Variants in AAK1 observed in about 807,000 individuals in gnomAD.
AAK1 encodes AP2 associated kinase 1.
AAK1 carries 37 observed loss-of-function variants against 116.0 expected under a neutral mutation model. The ratio of observed to expected loss-of-function variants is 0.32; its 90% CI spans 0.25 to 0.42. AAK1 has a LOEUF of 0.42. Among genes scored for constraint, AAK1 ranks in the 10% least tolerant of loss-of-function variants. AAK1 has a pLI of 1.00. For synonymous variants in AAK1, 458 were observed against 439.9 expected (o/e 1.04, Z -0.51); for missense variants, 919 against 1,170.6 (o/e 0.79, Z 3.14).
chr2:69,503,994 C>T (rs1480264226), intron 16 of AAK1, among the ~76,000 whole-genome samples: 1 of 114,996 alleles, frequency 8.7e-6, no homozygotes, highest in Non-Finnish European at 1.7e-5. Flanking sequence ...AGCGAAATTC[C>T]GTCTAAAAAA....
intron 8 of AAK1, among the ~76,000 whole-genome samples, chr2:69,528,316 C>T (rs1670104724): frequency 6.6e-6 from 1 of 152,062 alleles, no homozygotes; most frequent in African/African-American, 2.4e-5. Flanking sequence ...GCTAGAGTTT[C>T]CTAATCAGGG....
intron 17 of AAK1, among the ~76,000 whole-genome samples, chr2:69,483,362 T>C (rs964337176): frequency 3.3e-5 from 5 of 152,236 alleles, no homozygotes; most frequent in Admixed American, 3.3e-4. Context: ...TTTGGCATAA[T>C]GCCTTTGAGA....
chr2:69,598,807 C>T (rs1442278196), intron 2 of AAK1: 4 of 207,368 alleles, frequency 1.9e-5, no homozygotes, highest in South Asian at 7.1e-5. Context: ...AGGTATGAGC[C>T]GCTAATGTCC....
At chr2:69,514,967 C>G (rs921097704) in intron 12 of AAK1, among the ~76,000 whole-genome samples, 10 of 152,308 alleles carry the variant, frequency 6.6e-5, no homozygotes, top group Middle Eastern at 3.4e-3. Flanking sequence ...TCCATTGCAC[C>G]AGGCTGCCTC....
At chr2:69,522,401 T>C (rs1428814585) in intron 10 of AAK1, among the ~76,000 whole-genome samples, 3 of 152,038 alleles carry the variant, frequency 2.0e-5, no homozygotes, top group East Asian at 1.9e-4. Flanking sequence ...CTTGTGCCGG[T>C]TGGGGAAGTG....
At chr2:69,541,543 C>T (rs1193601905) in intron 5 of AAK1, among the ~76,000 whole-genome samples, 2 of 152,102 alleles carry the variant, frequency 1.3e-5, no homozygotes, top group African/African-American at 2.4e-5. Context: ...GAATTATATA[C>T]TTTAAAGCAG....
At chr2:69,547,899 C>T (rs1001044235) in intron 3 of AAK1, among the ~76,000 whole-genome samples, 1 of 152,028 alleles carries the variant, frequency 6.6e-6, no homozygotes, top group African/African-American at 2.4e-5. Flanking sequence ...ATATCACAAG[C>T]CACACAATGG....
chr2:69,631,241 T>G (rs1258116837), intron 2 of AAK1, among the ~76,000 whole-genome samples: 1 of 152,192 alleles, frequency 6.6e-6, no homozygotes, highest in East Asian at 1.9e-4. Flanking sequence ...AGGACAATAA[T>G]CTTTCTCTTA....
At chr2:69,541,960 A>G (rs1273191803) in intron 5 of AAK1, among the ~76,000 whole-genome samples, 5 of 152,240 alleles carry the variant, frequency 3.3e-5, no homozygotes, top group African/African-American at 1.2e-4. Flanking sequence ...ATAAAACGTA[A>G]CAAAGAATGT....
chr2:69,491,657 C>T (rs1360511593), intron 17 of AAK1, among the ~76,000 whole-genome samples: 1 of 152,082 alleles, frequency 6.6e-6, no homozygotes, highest in South Asian at 2.1e-4. Context: ...ACTAGGACTG[C>T]CCCACTGGGA....
chr2:69,481,857 G>A (rs1271408836), intron 18 of AAK1: 2 of 152,132 alleles, frequency 1.3e-5, no homozygotes, highest in Non-Finnish European at 2.9e-5. Context: ...TTAAGCTGGA[G>A]GGCAGTGGCA....
In AAK1 at chr2:69,631,276, T is replaced by C. The variant is rs145221177; in HGVS notation, c.163+11602A>G. Among the ~76,000 whole-genome samples the C allele has an allele frequency of 9.2e-5, 14 of 152,342 alleles. No individual in the cohort carries two copies. The East Asian group carries it at 2.3e-3, about 25-fold the overall frequency. ...ACCCTAAAGGTCCCAGTACAATAGC[T>C]GTAAGTGTCCTTGAAAACATGCAGC... On this transcript the variant is annotated intron_variant, in intron 2 of 21. Transcript: ENST00000409085.
In AAK1 at chr2:69,467,006, G is replaced by T; in HGVS notation, c.*8863C>A. 1.0e-6 allele frequency: 1 copy of T among 985,470 alleles called. No individual in the cohort carries two copies. The highest frequency in any genetic ancestry group is 1.2e-6 in the Non-Finnish European group (1 of 829,934). 61.0% of individuals were successfully genotyped at this position (985,470 alleles called of 1,614,324 possible). A position where few individuals can be genotyped will look rare whatever the true frequency, so the allele number is the denominator to read the frequency against. On this transcript the variant is annotated 3_prime_UTR_variant, in exon 22 of 22. Coordinates refer to ENST00000409085, the MANE Select transcript of AAK1 (RefSeq NM_014911.5). ...CATGTGGTCATCCGCGCCACATGCA[G>T]AGGGACAAACTCTCTGAAAAGAAGC...
chr2:69,532,745 AATATT>A (rs2105028396), intron 5 of AAK1, among the ~76,000 whole-genome samples: 1 of 152,328 alleles, frequency 6.6e-6, no homozygotes, highest in African/African-American at 2.4e-5. Context: ...ATTCAGAATT[AATATT>A]GCTTATGTTT....
intron 2 of AAK1, among the ~76,000 whole-genome samples, chr2:69,573,426 G>A (rs758007552): frequency 8.5e-5 from 13 of 152,308 alleles, no homozygotes; most frequent in Non-Finnish European, 1.5e-4. Flanking sequence ...GAAGGAAGAC[G>A]AGAAGCATTC....
chr2:69,482,847 ATG>A, intron 17 of AAK1, 35 bp from the exon 18 acceptor site: 1 of 1,347,436 alleles, frequency 7.4e-7, no homozygotes, highest in South Asian at 1.2e-5. Flanking sequence ...GAAAGCAAAA[ATG>A]TAGTAAGATA....
intron 13 of AAK1, among the ~76,000 whole-genome samples, chr2:69,512,749 GT>G (rs1676438727): frequency 6.6e-6 from 1 of 152,222 alleles, no homozygotes; most frequent in African/African-American, 2.4e-5. Context: ...TGTTCAAAGT[GT>G]TTTTTCATCC....
At chr2:69,505,814 C>T (rs1415729600) in intron 15 of AAK1, 141 bp from the exon 16 acceptor site, 2 of 558,790 alleles carry the variant, frequency 3.6e-6, no homozygotes, top group African/African-American at 3.9e-5. Flanking sequence ...TTCAAAGGTC[C>T]TTGTCTAGTC....
chr2:69,530,731 A>C (rs1338616767), intron 6 of AAK1, 25 bp from the exon 7 acceptor site: 2 of 1,549,372 alleles, frequency 1.3e-6, no homozygotes, highest in Admixed American at 1.7e-5. Flanking sequence ...TTCATTTTTT[A>C]TTAAATATGT....
Sources: allele counts gnomAD v4.1 joint callset (sites outside exome capture counted in the v4.1 genomes callset), GRCh38; gene constraint gnomAD v4.1.1; transcripts MANE v1.5; gene names NCBI Gene and HGNC (gene_info 2026-07-23, HGNC 2026-07-21).